The following WLS variants were observed in gnomAD, a reference collection of about 807,000 sequenced individuals.
WLS encodes Wnt ligand secretion mediator.
Under a neutral mutation model 62.8 loss-of-function variants are expected in WLS, and 23 were observed. The observed-to-expected ratio is 0.37, with a 90% CI of 0.26 to 0.52. The LOEUF (loss-of-function observed/expected upper bound fraction) is 0.52. Among genes scored for constraint, WLS ranks in the 20% least tolerant of loss-of-function variants. The probability of loss-of-function intolerance (pLI) is 0.92; values close to 1 mark genes in which losing one functional copy is unlikely to be tolerated. For missense variants in WLS, 615 were observed against 697.3 expected (o/e 0.88, Z 1.33); for synonymous variants, 246 against 244.1 (o/e 1.01, Z -0.07).
At chr1:68,107,986 A>G (rs968174640) in intron 11 of WLS, among the ~76,000 whole-genome samples, 6 of 152,314 alleles carry the variant, frequency 3.9e-5, no homozygotes, top group Admixed American at 3.9e-4. Context: ...GCTAGGGACA[A>G]TCCCGAGGCC....
downstream of WLS, among the ~76,000 whole-genome samples, chr1:68,124,043 G>T (rs1372080751): frequency 6.6e-6 from 1 of 152,246 alleles, no homozygotes; most frequent in African/African-American, 2.4e-5. Flanking sequence ...CTCTCTGTCC[G>T]AAACCCCACC....
At chr1:68,229,841 A>C (rs572995467) in intron 1 of WLS, among the ~76,000 whole-genome samples, 10 of 152,320 alleles carry the variant, frequency 6.6e-5, no homozygotes, top group South Asian at 2.1e-4. Context: ...GTAAACTTAT[A>C]CAGTTTCCTC....
chr1:68,117,560 C>T (rs1469509515), intron 11 of WLS: 1 of 152,368 alleles, frequency 6.6e-6, no homozygotes, highest in Non-Finnish European at 1.5e-5. Flanking sequence ...CTTTGGAGGG[C>T]AGCTTCCTGG....
At chr1:68,147,783 C>T (rs1570890489) in intron 8 of WLS, among the ~76,000 whole-genome samples, 1 of 152,190 alleles carries the variant, frequency 6.6e-6, no homozygotes, top group Non-Finnish European at 1.5e-5. Flanking sequence ...GGCTCTTCCA[C>T]AGGGGCCCAG....
At chr1:68,119,986 C>T (rs977695842) in intron 11 of WLS, among the ~76,000 whole-genome samples, 4 of 152,184 alleles carry the variant, frequency 2.6e-5, no homozygotes, top group African/African-American at 9.7e-5. Flanking sequence ...GATCTTAGAG[C>T]CTCAGAAGAG....
chr1:68,110,714 T>C (rs1646217281), intron 11 of WLS, among the ~76,000 whole-genome samples: 1 of 142,706 alleles, frequency 7.0e-6, no homozygotes, highest in Non-Finnish European at 1.5e-5. Flanking sequence ...TGTGTGTATG[T>C]GTATGTATAT....
intron 2 of WLS, among the ~76,000 whole-genome samples, chr1:68,176,691 A>G (rs1218639112): frequency 6.6e-6 from 1 of 152,214 alleles, no homozygotes; most frequent in African/African-American, 2.4e-5. Context: ...CGTCCTTTGC[A>G]CATATGTTAT....
At chr1:68,231,858 G>GC (rs1650438490) in intron 1 of WLS, 1 of 10,826 alleles carries the variant, frequency 9.2e-5, no homozygotes, top group African/African-American at 4.6e-4. Context: ...GGGAAAAAGC[G>GC]GGGGGGGGGG....
chr1:68,174,047 C>T (rs1647193639), intron 2 of WLS, among the ~76,000 whole-genome samples: 1 of 152,174 alleles, frequency 6.6e-6, no homozygotes, highest in African/African-American at 2.4e-5. Context: ...AAAATGTTTT[C>T]TGTTTTCCTC....
intron 1 of WLS, among the ~76,000 whole-genome samples, chr1:68,216,082 T>G (rs2100653644): frequency 6.6e-6 from 1 of 152,376 alleles, no homozygotes; most frequent in South Asian, 2.1e-4. Flanking sequence ...AACTGTCATT[T>G]ACTTGTCCTG....
At chr1:68,146,044 T>A (rs1646748768) in intron 8 of WLS, 32 bp from the exon 9 acceptor site, 12 of 1,609,520 alleles carry the variant, frequency 7.5e-6, no homozygotes, top group Non-Finnish European at 9.3e-6. Context: ...AACAACGGGC[T>A]AGCCAAGGCC....
At chr1:68,158,423 C>T (rs186378292) in intron 3 of WLS, among the ~76,000 whole-genome samples, 2 of 152,262 alleles carry the variant, frequency 1.3e-5, no homozygotes, top group East Asian at 3.9e-4. Context: ...TCCGCTTTGA[C>T]TCTCAAATAT....
At chr1:68,114,734 G>A (rs970959281) in intron 11 of WLS, among the ~76,000 whole-genome samples, 5 of 152,290 alleles carry the variant, frequency 3.3e-5, no homozygotes, top group Non-Finnish European at 4.4e-5. Flanking sequence ...TCAGAGCCCC[G>A]TCCCAGAAGT....
intron 2 of WLS, among the ~76,000 whole-genome samples, chr1:68,192,791 A>AC (rs1648396453): frequency 4.1e-5 from 6 of 145,720 alleles, no homozygotes; most frequent in Admixed American, 7.0e-5. Context: ...AAAAAAACAG[A>AC]AGAAGAAAGA....
At chr1:68,101,833 TA>T (rs1356042870) in intron 11 of WLS, among the ~76,000 whole-genome samples, 1 of 152,204 alleles carries the variant, frequency 6.6e-6, no homozygotes, top group Admixed American at 6.5e-5. Context: ...AGGAAAATGA[TA>T]AAACTTCATA....
intron 10 of WLS, among the ~76,000 whole-genome samples, chr1:68,143,067 C>T (rs989321926): frequency 2.0e-5 from 3 of 152,050 alleles, no homozygotes; most frequent in Admixed American, 6.6e-5. Context: ...ATATATATTA[C>T]ATATAATATA....
chr1:68,207,047 C>A (rs1649310598), intron 1 of WLS, among the ~76,000 whole-genome samples: 1 of 152,112 alleles, frequency 6.6e-6, no homozygotes, highest in South Asian at 2.1e-4. Flanking sequence ...TGTTTTCTGT[C>A]TTCCAACAGC....
At chr1:68,217,707 A>G (rs1649784515) in intron 1 of WLS, among the ~76,000 whole-genome samples, 2 of 152,144 alleles carry the variant, frequency 1.3e-5, no homozygotes, top group African/African-American at 4.8e-5. Context: ...TGGGCTTTGG[A>G]TAACGTGGGC....
At chr1:68,132,334 G>A (rs753850283) in intron 11 of WLS, among the ~76,000 whole-genome samples, 42 of 152,202 alleles carry the variant, frequency 2.8e-4, no homozygotes, top group Non-Finnish European at 4.9e-4. Flanking sequence ...CAGCCCGTGT[G>A]ACAAGACCAA....
Sources: gnomAD v4.1 joint callset for allele counts (sites outside exome capture counted in the v4.1 genomes callset) on GRCh38, gnomAD v4.1.1 for gene constraint, MANE v1.5 for transcripts, NCBI Gene and HGNC (gene_info 2026-07-23, HGNC 2026-07-21) for gene names.